The following KLHL29 variants were observed in gnomAD, a reference collection of about 807,000 sequenced individuals.
KLHL29 encodes the protein kelch-like protein 29.
In KLHL29, 21 loss-of-function variants were observed where a neutral mutation model predicts 80.4. That is an observed-to-expected ratio of 0.26 (90% CI 0.19 to 0.38). The LOEUF (loss-of-function observed/expected upper bound fraction) is 0.38, where lower values mean the gene tolerates loss of function less well. Among genes scored for constraint, KLHL29 ranks in the 10% least tolerant of loss-of-function variants. The probability of loss-of-function intolerance (pLI) is 1.00; values close to 1 mark genes in which losing one functional copy is unlikely to be tolerated. For missense variants in KLHL29, 867 were observed against 1,223.9 expected (o/e 0.71, Z 4.35); for synonymous variants, 511 against 526.8 (o/e 0.97, Z 0.41).
Position 23,562,347 on chromosome 2 carries a change from C to T in KLHL29, c.151C>T (p.Pro51Ser). 1 of 1,544,004 alleles carries T rather than the reference C, an allele frequency of 6.5e-7. No homozygotes were observed. The highest frequency in any genetic ancestry group is 8.7e-7 in the Non-Finnish European group (1 of 1,145,276). ...CACAGCCAGCAGCCTCAGCGTCCGG[C>T]CCGGCCTCCTGCCGCTGCCCGTGGT... ...GGTASSLSVR[P>S]GLLPLPVVPS... Residue 51 changes from proline (P) to serine (S), a missense_variant, in exon 3 of 14, where the codon CCC (proline) becomes TCC (serine). Pro to Ser is a moderately conservative substitution (Grantham distance 74). Around this residue, in one of 2 missense-constraint regions of KLHL29, gnomAD observed 424 missense variants for 456.9 expected, o/e 0.93. Transcript: ENST00000486442. This position sits in a 1 kb window ranked among gnomAD's most constrained non-coding sequence, Gnocchi z 4.5.
rs183107511 is a variant in KLHL29, at chr2:23,474,107, T to A, written c.-153-1453T>A. On this transcript the variant is annotated intron_variant, in intron 1 of 13. Coordinates refer to ENST00000486442, the MANE Select transcript of KLHL29 (RefSeq NM_052920.2). ...TACTACCTTCCAAAATATGATACAA[T>A]TTTCACTACTTTTTAAGTGTATTGT... Among the ~76,000 whole-genome samples, 56 of 152,300 alleles carry A rather than the reference T, an allele frequency of 3.7e-4. No homozygotes were observed. In the East Asian group the frequency reaches 0.011, roughly 29 times the overall value.
At chr2:23,645,526 T>C (rs1456718525) in intron 5 of KLHL29, among the ~76,000 whole-genome samples, 1 of 152,144 alleles carries the variant, frequency 6.6e-6, no homozygotes, top group East Asian at 1.9e-4. Flanking sequence ...TATAATAAGA[T>C]CCACCATGCA....
At chr2:23,519,115 C>T (rs1666022465) in intron 2 of KLHL29, among the ~76,000 whole-genome samples, 1 of 152,130 alleles carries the variant, frequency 6.6e-6, no homozygotes, top group Non-Finnish European at 1.5e-5. Flanking sequence ...AGGCTTTTCT[C>T]ATGTTCTGTG....
intron 2 of KLHL29, among the ~76,000 whole-genome samples, chr2:23,558,540 T>G (rs1667358152): frequency 6.6e-6 from 1 of 152,148 alleles, no homozygotes; most frequent in African/African-American, 2.4e-5. Context: ...TAGCTGGGAT[T>G]ACAGATGCAC....
At chr2:23,512,118 A>G (rs1207017831) in intron 2 of KLHL29, among the ~76,000 whole-genome samples, 1 of 152,112 alleles carries the variant, frequency 6.6e-6, no homozygotes, top group Non-Finnish European at 1.5e-5. Flanking sequence ...CAAATGACCT[A>G]ACTTCTCTGA....
chr2:23,637,292 C>T (rs1300079878), intron 3 of KLHL29, among the ~76,000 whole-genome samples: 1 of 152,172 alleles, frequency 6.6e-6, no homozygotes, highest in South Asian at 2.1e-4. Flanking sequence ...ATAGATCCTT[C>T]AGACAGGGCA....
chr2:23,575,821 A>G (rs895051324), intron 3 of KLHL29, among the ~76,000 whole-genome samples: 1 of 152,160 alleles, frequency 6.6e-6, no homozygotes, highest in Non-Finnish European at 1.5e-5. Context: ...GGAGCTCCAG[A>G]ACCTGCCCAC....
chr2:23,525,739 A>G (rs113042216), intron 2 of KLHL29, among the ~76,000 whole-genome samples: 14 of 10,646 alleles, frequency 1.3e-3, no homozygotes, highest in Middle Eastern at 0.062. Flanking sequence ...CCCCCCCCCC[A>G]CCCGAGGCGA....
intron 2 of KLHL29, among the ~76,000 whole-genome samples, chr2:23,518,134 C>G (rs1665995372): frequency 2.6e-5 from 4 of 152,180 alleles, no homozygotes. Flanking sequence ...GGAAAGCAGA[C>G]AAGTCCGGTG....
chr2:23,435,002 C>T (rs1443232856), intron 1 of KLHL29, among the ~76,000 whole-genome samples: 3 of 152,240 alleles, frequency 2.0e-5, no homozygotes, highest in Non-Finnish European at 4.4e-5. Flanking sequence ...ATAAACAAGA[C>T]ATAACTCTGC....
At chr2:23,397,471 G>A (rs764490220) in intron 1 of KLHL29, among the ~76,000 whole-genome samples, 16 of 152,382 alleles carry the variant, frequency 1.0e-4, no homozygotes, top group East Asian at 1.9e-4. Flanking sequence ...TTTGACAGCT[G>A]TAACTGTCTG....
intron 1 of KLHL29, among the ~76,000 whole-genome samples, chr2:23,448,838 AC>A (rs2103420061): frequency 6.6e-6 from 1 of 152,198 alleles, no homozygotes; most frequent in South Asian, 2.1e-4. Flanking sequence ...TATGGCCTCC[AC>A]CTCATTTCCT....
chr2:23,503,284 A>G lies in KLHL29; in HGVS notation c.-46+27617A>G, dbSNP rs1449029505. Among the ~76,000 whole-genome samples the G allele has an allele frequency of 2.0e-5, 3 of 151,822 alleles. No homozygotes were observed. Among genetic ancestry groups the G allele is most frequent in the African/African-American group, 4.8e-5 (2 of 41,288 alleles). ...TCTGTTGTTGCTCTGACCTTTGACA[A>G]ATCATTCCCTTGCCTGTGTCTCGGT... On this transcript the variant is annotated intron_variant, in intron 2 of 13. Coordinates refer to ENST00000486442, the MANE Select transcript of KLHL29 (RefSeq NM_052920.2). This position sits in a 1 kb window ranked among gnomAD's most constrained non-coding sequence, Gnocchi z 4.0.
Position 23,571,250 on chromosome 2 carries a change from CG to C in KLHL29, c.285+8773del, listed in dbSNP as rs1304021191. ...AAGTGGCCCTCAGACTGGAGGATGG[CG>C]GGGAATGGAGGTAGGAATGGGGGCG... is the stretch of plus-strand genomic sequence containing the variant. On this transcript the variant is annotated intron_variant, in intron 3 of 13. Transcript: ENST00000486442. 3.3e-5 allele frequency among the ~76,000 whole-genome samples: 5 copies of C among 152,268 alleles called. No individual in the cohort carries two copies. In the East Asian group the frequency reaches 9.6e-4, roughly 29 times the overall value.
chr2:23,434,148 C>T (rs375383346), intron 1 of KLHL29, among the ~76,000 whole-genome samples: 3 of 151,814 alleles, frequency 2.0e-5, no homozygotes, highest in African/African-American at 4.8e-5. Context: ...GGTGAAACCC[C>T]GTTTCTACTA....
rs1357477228 is a variant in KLHL29 at position 23,562,274 on chromosome 2, G to T, written c.78G>T (p.Thr26=). ...WDRREWSVNG[T]HGTTSICSVT... ...GCCGCGAATGGAGCGTCAACGGGAC[G>T]CATGGGACCACCAGCATCTGCAGTG... The change falls in exon 3 of 14, where the codon ACG becomes ACT. Residue 26 remains threonine (T), a synonymous_variant. Transcript: ENST00000486442. This position sits in a 1 kb window ranked among gnomAD's most constrained non-coding sequence, Gnocchi z 4.5. 6.5e-7 allele frequency: 1 copy of T among 1,549,202 alleles called. No individual in the cohort carries two copies. The highest frequency in any genetic ancestry group is 8.7e-7 in the Non-Finnish European group (1 of 1,146,098).
At chr2:23,599,884 G>A (rs1034938719) in intron 3 of KLHL29, among the ~76,000 whole-genome samples, 3 of 152,180 alleles carry the variant, frequency 2.0e-5, no homozygotes, top group Admixed American at 1.3e-4. Context: ...GTAGCTCTGG[G>A]TCAGCCATGG....
chr2:23,525,116 A>C (rs1350678756), intron 2 of KLHL29, among the ~76,000 whole-genome samples: 1 of 152,198 alleles, frequency 6.6e-6, no homozygotes, highest in Non-Finnish European at 1.5e-5. Flanking sequence ...CTGGGAGGGG[A>C]GGCCAAATGC....
intron 2 of KLHL29, among the ~76,000 whole-genome samples, chr2:23,554,485 G>A (rs1055547271): frequency 3.3e-5 from 5 of 152,186 alleles, no homozygotes; most frequent in African/African-American, 1.2e-4. Flanking sequence ...CTCACAGCCG[G>A]CCGCCCACTC....
Sources: gnomAD v4.1 joint callset for allele counts (sites outside exome capture counted in the v4.1 genomes callset) on GRCh38, gnomAD v4.1.1 for gene constraint, gnomAD v4.1.1 regional missense constraint, Gnocchi (gnomAD v3.1) non-coding constraint, MANE v1.5 for transcripts, NCBI Gene and HGNC (gene_info 2026-07-23, HGNC 2026-07-21) for gene names.